TFDP2: variants seen among roughly 807,000 people sequenced by gnomAD.
The protein encoded by TFDP2 is transcription factor Dp-2 (E2F dimerization partner 2).
A neutral mutation model predicts 59.3 loss-of-function variants in TFDP2; 17 were observed. The ratio of observed to expected loss-of-function variants is 0.29; its 90% confidence interval spans 0.20 to 0.43. TFDP2 has a LOEUF of 0.43. Ranked by LOEUF, TFDP2 falls within the 20% of genes least tolerant of loss-of-function variation. The probability of loss-of-function intolerance (pLI) is 1.00; values close to 1 mark genes in which losing one functional copy is unlikely to be tolerated. For missense variants in TFDP2, 391 were observed against 528.8 expected (o/e 0.74, Z 2.56); for synonymous variants, 180 against 194.7 (o/e 0.92, Z 0.63).
chr3:142,136,151 C>T (rs2062728200), intron 1 of TFDP2, among the ~76,000 whole-genome samples: 1 of 151,968 alleles, frequency 6.6e-6, no homozygotes, highest in Admixed American at 6.6e-5. Flanking sequence ...CTCTGATGAC[C>T]AGTGATGATG....
At chr3:142,097,200 C>T (rs1198415030) in intron 2 of TFDP2, among the ~76,000 whole-genome samples, 1 of 152,022 alleles carries the variant, frequency 6.6e-6, no homozygotes, top group Non-Finnish European at 1.5e-5. Flanking sequence ...TAAATCTGTG[C>T]AATCTTAGCA....
chr3:141,975,864 T>C (rs1940562322), intron 7 of TFDP2, among the ~76,000 whole-genome samples: 2 of 152,100 alleles, frequency 1.3e-5, no homozygotes, highest in South Asian at 4.2e-4. Flanking sequence ...CAGCACAATC[T>C]ATTTATTTAA....
chr3:141,988,735 C>T (rs1469726379), intron 6 of TFDP2, among the ~76,000 whole-genome samples: 2 of 134,334 alleles, frequency 1.5e-5, no homozygotes. Flanking sequence ...GTGGTGCAAT[C>T]TCAGCTCACT....
intron 3 of TFDP2, among the ~76,000 whole-genome samples, chr3:142,086,217 C>G (rs761500307): frequency 6.6e-6 from 1 of 152,152 alleles, no homozygotes; most frequent in Non-Finnish European, 1.5e-5. Context: ...AACTCTTGTA[C>G]ACCATTTAAC....
intron 3 of TFDP2, among the ~76,000 whole-genome samples, chr3:142,041,694 G>A (rs1348822427): frequency 6.6e-6 from 1 of 152,170 alleles, no homozygotes; most frequent in African/African-American, 2.4e-5. Context: ...ACCAACATCA[G>A]TTTTCTCTTT....
chr3:142,078,214 A>T (rs1194429884), intron 3 of TFDP2, among the ~76,000 whole-genome samples: 1 of 152,196 alleles, frequency 6.6e-6, no homozygotes, highest in Non-Finnish European at 1.5e-5. Flanking sequence ...CCTGCCTCCC[A>T]GATGGCGTCT....
At chr3:141,973,123 A>ATATATATATATATTT in intron 8 of TFDP2, among the ~76,000 whole-genome samples, 1 of 58,030 alleles carries the variant, frequency 1.7e-5, no homozygotes, top group East Asian at 3.4e-4. Flanking sequence ...ATATATATAT[A>ATATATATATATATTT]TTTTTTTTTT....
intron 3 of TFDP2, among the ~76,000 whole-genome samples, chr3:142,015,357 C>A (rs1326300685): frequency 6.6e-6 from 1 of 152,188 alleles, no homozygotes; most frequent in Non-Finnish European, 1.5e-5. Context: ...TGATGTCTTA[C>A]ACGTATCTCA....
At position 141,951,490 on chromosome 3, in the gene TFDP2, T is replaced by C. The variant is rs1416841291; in HGVS notation, c.*1023A>G. The C allele has an allele frequency of 6.6e-6, 1 of 152,634 alleles. No homozygotes were observed. Among genetic ancestry groups the C allele is most frequent in the African/African-American group, 2.4e-5 (1 of 41,448 alleles). The allele number at this position is 152,634 out of a possible 1,614,324, so 9.5% of individuals were successfully genotyped here. ...AATGAAAATGTGAAAAAAGGTGACA[T>C]GTACAAGGAAACACTGCTGTTCATA... On this transcript the variant is annotated 3_prime_UTR_variant, in exon 13 of 13. Coordinates refer to ENST00000489671, the MANE Select transcript of TFDP2 (RefSeq NM_001178139.2).
intron 3 of TFDP2, among the ~76,000 whole-genome samples, chr3:142,082,519 T>A (rs1209749183): frequency 6.6e-6 from 1 of 152,128 alleles, no homozygotes; most frequent in Non-Finnish European, 1.5e-5. Flanking sequence ...AAATTCATTC[T>A]ACAAGGCTTG....
chr3:142,033,712 G>A (rs1273270910), intron 3 of TFDP2, among the ~76,000 whole-genome samples: 2 of 152,146 alleles, frequency 1.3e-5, no homozygotes, highest in Non-Finnish European at 2.9e-5. Context: ...GAGCATTAGA[G>A]TCAGAATACT....
intron 3 of TFDP2, among the ~76,000 whole-genome samples, chr3:142,040,313 G>T (rs1472471660): frequency 6.6e-6 from 1 of 152,156 alleles, no homozygotes; most frequent in Non-Finnish European, 1.5e-5. Context: ...ATATTCTATG[G>T]TAGGCGCAGT....
chr3:142,023,058 T>G (rs1945748183), intron 3 of TFDP2, among the ~76,000 whole-genome samples: 2 of 131,816 alleles, frequency 1.5e-5, no homozygotes, highest in Admixed American at 8.8e-5. Context: ...AGGCGGAGGT[T>G]GCAGTAAGCC....
chr3:141,968,856 A>C lies in TFDP2; in HGVS notation c.732+1217T>G, dbSNP rs1228458399. 3.6e-4 allele frequency among the ~76,000 whole-genome samples: 23 copies of C among 63,398 alleles called. 2 individuals are homozygous for C. The South Asian group carries it at 4.5e-3, about 12-fold the overall frequency. The allele number at this position is 63,398 out of a possible 152,430, so 41.6% of individuals were successfully genotyped here. The stretch of plus-strand genomic sequence containing the variant: ...ATATCTCATATATATAGATATATAT[A>C]ACATATATATCTCATATATATAGAT... On this transcript the variant is annotated intron_variant, in intron 9 of 12. Transcript: ENST00000489671.
chr3:142,045,496 CT>C (rs2108468220), intron 3 of TFDP2, among the ~76,000 whole-genome samples: 1 of 151,938 alleles, frequency 6.6e-6, no homozygotes, highest in African/African-American at 2.4e-5. Flanking sequence ...CCCACGATGC[CT>C]TTAAAAATTT....
intron 3 of TFDP2, chr3:142,029,248 T>C (rs1207958397): frequency 6.6e-6 from 1 of 151,294 alleles, no homozygotes; most frequent in African/African-American, 2.4e-5. Context: ...AGGAAAAAAA[T>C]GTCCCAGTCC....
intron 3 of TFDP2, among the ~76,000 whole-genome samples, chr3:142,010,325 T>G (rs1040329384): frequency 5.3e-5 from 8 of 152,068 alleles, no homozygotes; most frequent in African/African-American, 1.9e-4. Context: ...AAAACTAACT[T>G]TTGGGCCGGG....
chr3:142,106,679 T>TA (rs935910017), intron 1 of TFDP2, among the ~76,000 whole-genome samples: 4 of 152,150 alleles, frequency 2.6e-5, no homozygotes, highest in African/African-American at 9.7e-5. Context: ...TTCTGTTAGT[T>TA]AAAAAAATAA....
At chr3:142,148,318 G>A (rs1484762596) in intron 1 of TFDP2, among the ~76,000 whole-genome samples, 2 of 152,128 alleles carry the variant, frequency 1.3e-5, no homozygotes, top group African/African-American at 4.8e-5. Context: ...CTTCAGCAGT[G>A]AATATGGAAA....
Sources: gnomAD v4.1 joint callset for allele counts (sites outside exome capture counted in the v4.1 genomes callset) on GRCh38, gnomAD v4.1.1 for gene constraint, MANE v1.5 for transcripts, NCBI Gene and HGNC (gene_info 2026-07-23, HGNC 2026-07-21) for gene names.